The following ELP4 variants were observed in gnomAD, a reference collection of about 807,000 sequenced individuals.
ELP4 encodes the protein elongator complex protein 4.
Under a neutral mutation model 48.9 loss-of-function variants are expected in ELP4, and 51 were observed. That is an observed-to-expected ratio of 1.04 (90% CI 0.83 to 1.32). The LOEUF (loss-of-function observed/expected upper bound fraction) is 1.32. Ranked by LOEUF, ELP4 falls within the 40% of genes most tolerant of loss-of-function variation. The pLI, the probability that ELP4 is intolerant of heterozygous loss-of-function variation, is 0.00. For synonymous variants in ELP4, 210 were observed against 189.2 expected (o/e 1.11, Z -0.90); for missense variants, 519 against 514.6 (o/e 1.01, Z -0.08).
At chr11:31,544,774 T>A (rs973366711) in intron 3 of ELP4, among the ~76,000 whole-genome samples, 3 of 152,098 alleles carry the variant, frequency 2.0e-5, no homozygotes, top group African/African-American at 7.2e-5. Context: ...GACTGACACC[T>A]CACACGGCCG....
At chr11:31,598,707 A>G (rs1224838638) in intron 4 of ELP4, among the ~76,000 whole-genome samples, 1 of 151,438 alleles carries the variant, frequency 6.6e-6, no homozygotes, top group Non-Finnish European at 1.5e-5. Context: ...GGGTCTCACT[A>G]TGTTGCCCAG....
At chr11:31,629,376 A>G (rs1481693123) in intron 6 of ELP4, among the ~76,000 whole-genome samples, 1 of 152,000 alleles carries the variant, frequency 6.6e-6, no homozygotes, top group African/African-American at 2.4e-5. Context: ...AAAGGACACA[A>G]GAGATTTATA....
chr11:31,683,898 G>T (rs2213507), intron 9 of ELP4, among the ~76,000 whole-genome samples: 2 of 152,066 alleles, frequency 1.3e-5, no homozygotes, highest in Non-Finnish European at 2.9e-5. Context: ...GACTTCAGCC[G>T]TAGGAAAGAA....
Position 31,789,164 on chromosome 11 carries a change from G to GA in ELP4, c.*5644dup, listed in dbSNP as rs1210967882. 4.9e-6 allele frequency: 1 copy of GA among 204,732 alleles called. No individual in the cohort carries two copies. The highest frequency in any genetic ancestry group is 2.3e-5 in the African/African-American group (1 of 43,840). The allele number at this position is 204,732 out of a possible 1,614,324, so 12.7% of individuals were successfully genotyped here. On this transcript the variant is annotated 3_prime_UTR_variant, in exon 10 of 10. Transcript: ENST00000640961. ...CCAAAAAAGAAACGTATGATTGCAT[G>GA]AAAATGTGTATAAAACATCTATATT...
rs1476083807 is a variant in ELP4, at chr11:31,631,544, G to A, written c.739-673G>A. Among the ~76,000 whole-genome samples, 6 of 152,206 alleles carry A rather than the reference G, an allele frequency of 3.9e-5. No homozygotes were observed. In the East Asian group the frequency reaches 9.7e-4, roughly 25 times the overall value. On this transcript the variant is annotated intron_variant, in intron 6 of 9. Transcript: ENST00000640961. The stretch of plus-strand genomic sequence containing the variant: ...ATCTGTTGTTAAATGTTTATTCACA[G>A]TGATGTATTCACAGTTTAATTAATA...
At chr11:31,536,690 T>C (rs1452394538) in intron 2 of ELP4, among the ~76,000 whole-genome samples, 2 of 152,226 alleles carry the variant, frequency 1.3e-5, no homozygotes, top group East Asian at 3.8e-4. Flanking sequence ...GTGTTTTGCA[T>C]TGCAACTAAC....
At chr11:31,518,109 C>CA in intron 1 of ELP4, among the ~76,000 whole-genome samples, 1 of 142,692 alleles carries the variant, frequency 7.0e-6, no homozygotes, top group East Asian at 2.0e-4. Context: ...TCTTTTTTTT[C>CA]TTTTTTTTTT....
At chr11:31,515,560 G>T (rs1956095765) in intron 1 of ELP4, among the ~76,000 whole-genome samples, 2 of 152,106 alleles carry the variant, frequency 1.3e-5, no homozygotes, top group African/African-American at 4.8e-5. Flanking sequence ...AACTATTTCA[G>T]AGGCTGAGAT....
chr11:31,635,271 G>A (rs1033283528), intron 7 of ELP4, among the ~76,000 whole-genome samples: 1 of 151,992 alleles, frequency 6.6e-6, no homozygotes, highest in Admixed American at 6.6e-5. Flanking sequence ...CCAGGGCACT[G>A]TGAGTTTATT....
At chr11:31,613,547 C>A (rs1958020421) in intron 5 of ELP4, among the ~76,000 whole-genome samples, 1 of 152,032 alleles carries the variant, frequency 6.6e-6, no homozygotes, top group Non-Finnish European at 1.5e-5. Flanking sequence ...TAATATCCTG[C>A]AATCGTTTTT....
At chr11:31,529,528 C>G (rs1565037192) in intron 2 of ELP4, among the ~76,000 whole-genome samples, 1 of 152,182 alleles carries the variant, frequency 6.6e-6, no homozygotes, top group Non-Finnish European at 1.5e-5. Flanking sequence ...AGAAGCAGAA[C>G]TTGACATTCC....
chr11:31,748,744 C>A (rs1434409683), intron 9 of ELP4, among the ~76,000 whole-genome samples: 1 of 151,990 alleles, frequency 6.6e-6, no homozygotes, highest in Non-Finnish European at 1.5e-5. Flanking sequence ...TGGCTCACAC[C>A]TGTAACCACA....
At chr11:31,582,942 A>G (rs1017591509) in intron 3 of ELP4, among the ~76,000 whole-genome samples, 1 of 152,164 alleles carries the variant, frequency 6.6e-6, no homozygotes, top group East Asian at 1.9e-4. Context: ...TCACCCCTCT[A>G]TATGAAGACT....
intron 9 of ELP4, among the ~76,000 whole-genome samples, chr11:31,679,767 C>G (rs1946018620): frequency 6.6e-6 from 1 of 152,142 alleles, no homozygotes; most frequent in Non-Finnish European, 1.5e-5. Context: ...TATTATGGGT[C>G]TTTTGCCTTT....
chr11:31,735,790 G>A (rs1947300048), intron 9 of ELP4, among the ~76,000 whole-genome samples: 1 of 152,108 alleles, frequency 6.6e-6, no homozygotes, highest in Admixed American at 6.5e-5. Context: ...ACCTCTTCAA[G>A]GGGAACTACA....
intron 5 of ELP4, among the ~76,000 whole-genome samples, chr11:31,616,667 A>G (rs1266512055): frequency 6.6e-6 from 1 of 152,110 alleles, no homozygotes; most frequent in African/African-American, 2.4e-5. Context: ...TTTGCAAATT[A>G]TATATCTCAT....
At chr11:31,747,643 T>C (rs11031469) in intron 9 of ELP4, among the ~76,000 whole-genome samples, 10,020 of 152,218 alleles carry the variant, frequency 0.066, 858 homozygotes, top group African/African-American at 0.19. Flanking sequence ...CTGAGATACA[T>C]TGAAAAGGCA....
intron 2 of ELP4, among the ~76,000 whole-genome samples, chr11:31,527,170 G>A (rs895752420): frequency 6.6e-6 from 1 of 151,786 alleles, no homozygotes; most frequent in African/African-American, 2.4e-5. Flanking sequence ...GTAACATTCT[G>A]TTCTGATTTT....
At chr11:31,719,670 A>G in intron 9 of ELP4, 1 of 388,966 alleles carries the variant, frequency 2.6e-6, no homozygotes, top group Non-Finnish European at 4.5e-6. Context: ...CGAATTATAC[A>G]GCATAAGAAT....
Sources: gnomAD v4.1 joint callset for allele counts (sites outside exome capture counted in the v4.1 genomes callset) on GRCh38, gnomAD v4.1.1 for gene constraint, MANE v1.5 for transcripts, NCBI Gene and HGNC (gene_info 2026-07-23, HGNC 2026-07-21) for gene names.